The following SNTG1 variants were observed in gnomAD, a reference collection of about 807,000 sequenced individuals.
SNTG1 encodes gamma-1-syntrophin.
A neutral mutation model predicts 74.7 loss-of-function variants in SNTG1; 39 were observed. That is an observed-to-expected ratio of 0.52 (90% confidence interval 0.40 to 0.68). The LOEUF (loss-of-function observed/expected upper bound fraction) is 0.68, where lower values mean the gene tolerates loss of function less well. SNTG1 is among the 30% of genes least tolerant of loss of function. The pLI is 0.00. For synonymous variants in SNTG1, 254 were observed against 217.1 expected (o/e 1.17, Z -1.49); for missense variants, 685 against 609.5 (o/e 1.12, Z -1.30).
At chr8:50,387,224 A>G (rs2092589027) in intron 2 of SNTG1, among the ~76,000 whole-genome samples, 1 of 152,060 alleles carries the variant, frequency 6.6e-6, no homozygotes, top group Non-Finnish European at 1.5e-5. Flanking sequence ...CTGCCATTGC[A>G]TGTAAGGATT....
chr8:50,590,828 G>A (rs775038002), intron 12 of SNTG1, 51 bp from the exon 13 acceptor site: 4 of 1,234,662 alleles, frequency 3.2e-6, no homozygotes, highest in South Asian at 2.9e-5. Context: ...TGGGGACCTT[G>A]TGTTACCATC....
At chr8:50,080,817 C>G (rs944872206) in intron 1 of SNTG1, among the ~76,000 whole-genome samples, 3 of 151,910 alleles carry the variant, frequency 2.0e-5, no homozygotes, top group African/African-American at 7.3e-5. Context: ...AGTTAGCAGC[C>G]CAGTTTTATC....
intron 8 of SNTG1, among the ~76,000 whole-genome samples, chr8:50,467,707 T>G (rs75986552): frequency 0.023 from 3,515 of 152,114 alleles, 128 homozygotes; most frequent in African/African-American, 0.077. Flanking sequence ...CTGCTTTTTC[T>G]AATTCTGTAT....
At chr8:50,483,815 A>G (rs1383377144) in intron 8 of SNTG1, among the ~76,000 whole-genome samples, 2 of 152,196 alleles carry the variant, frequency 1.3e-5, no homozygotes, top group African/African-American at 4.8e-5. Context: ...TCAGATCTTG[A>G]TAATTCTTTA....
At chr8:50,396,869 C>T (rs10101137) in intron 3 of SNTG1, among the ~76,000 whole-genome samples, 27,088 of 152,098 alleles carry the variant, frequency 0.18, 2,648 homozygotes, top group Middle Eastern at 0.26. Context: ...ACTACAAATT[C>T]TTAATAAGTT....
chr8:50,082,579 T>C (rs1586189583), intron 1 of SNTG1, among the ~76,000 whole-genome samples: 1 of 152,234 alleles, frequency 6.6e-6, no homozygotes, highest in African/African-American at 2.4e-5. Flanking sequence ...TTAAGAGCGG[T>C]AAAAGAATGT....
At chr8:50,571,710 T>G (rs1256268210) in intron 12 of SNTG1, among the ~76,000 whole-genome samples, 2 of 152,192 alleles carry the variant, frequency 1.3e-5, no homozygotes. Flanking sequence ...GGAAACAACT[T>G]TCACCTCTAA....
chr8:50,535,733 A>T (rs958922592), intron 10 of SNTG1, among the ~76,000 whole-genome samples: 27 of 152,218 alleles, frequency 1.8e-4, no homozygotes, highest in African/African-American at 6.0e-4. Flanking sequence ...CATTGTTAAA[A>T]AGTTTAATGC....
intron 2 of SNTG1, among the ~76,000 whole-genome samples, chr8:50,381,755 A>G (rs1249381367): frequency 1.4e-5 from 2 of 138,790 alleles, no homozygotes; most frequent in South Asian, 2.2e-4. Flanking sequence ...TATAGGATAT[A>G]TATATCCTAT....
intron 8 of SNTG1, among the ~76,000 whole-genome samples, chr8:50,494,205 T>C (rs2093884082): frequency 6.6e-6 from 1 of 151,698 alleles, no homozygotes; most frequent in Non-Finnish European, 1.5e-5. Context: ...ATTAATTATA[T>C]TCATAATAAT....
At chr8:50,159,695 G>A (rs538384478) in intron 1 of SNTG1, among the ~76,000 whole-genome samples, 30 of 152,224 alleles carry the variant, frequency 2.0e-4, no homozygotes, top group South Asian at 1.0e-3. Context: ...AAAGCCATAC[G>A]TGTGTACTTG....
chr8:50,100,765 A>G (rs1171023521), intron 1 of SNTG1, among the ~76,000 whole-genome samples: 1 of 152,080 alleles, frequency 6.6e-6, no homozygotes, highest in Non-Finnish European at 1.5e-5. Context: ...AAGTACAATA[A>G]TACTTAACAT....
chr8:50,484,637 A>G (rs950826334), intron 8 of SNTG1, among the ~76,000 whole-genome samples: 9 of 151,794 alleles, frequency 5.9e-5, no homozygotes, highest in African/African-American at 2.2e-4. Context: ...AGGCAGGTGG[A>G]TCATGTGAGG....
intron 1 of SNTG1, among the ~76,000 whole-genome samples, chr8:49,940,209 G>A (rs140794645): frequency 6.6e-6 from 1 of 152,140 alleles, no homozygotes; most frequent in Non-Finnish European, 1.5e-5. Context: ...GCACCAAAAG[G>A]TAGTCAGCTA....
intron 1 of SNTG1, among the ~76,000 whole-genome samples, chr8:50,086,186 C>G (rs778661178): frequency 2.6e-5 from 4 of 152,088 alleles, no homozygotes; most frequent in Non-Finnish European, 5.9e-5. Context: ...CTACAGAGAG[C>G]TGCATCTGAT....
At chr8:50,528,835 T>C (rs943327666) in intron 9 of SNTG1, among the ~76,000 whole-genome samples, 1 of 151,710 alleles carries the variant, frequency 6.6e-6, no homozygotes, top group Non-Finnish European at 1.5e-5. Context: ...TTATCTAATT[T>C]ATTAGTTTCC....
At chr8:50,050,204 C>T (rs913308096) in intron 1 of SNTG1, among the ~76,000 whole-genome samples, 2 of 151,372 alleles carry the variant, frequency 1.3e-5, no homozygotes, top group East Asian at 1.9e-4. Flanking sequence ...ACACCCTTAG[C>T]GAGTTAATTA....
At chr8:49,951,253 A>T (rs987390127) in intron 1 of SNTG1, among the ~76,000 whole-genome samples, 2 of 152,244 alleles carry the variant, frequency 1.3e-5, no homozygotes, top group African/African-American at 4.8e-5. Flanking sequence ...TTTATCTGTG[A>T]AAAGGGAAAT....
At chr8:49,973,959 T>C (rs1235873756) in intron 1 of SNTG1, among the ~76,000 whole-genome samples, 1 of 152,204 alleles carries the variant, frequency 6.6e-6, no homozygotes, top group Non-Finnish European at 1.5e-5. Context: ...GTGGAAATCA[T>C]ATAAATATTT....
Sources: allele counts gnomAD v4.1 joint callset (sites outside exome capture counted in the v4.1 genomes callset), GRCh38; gene constraint gnomAD v4.1.1; transcripts MANE v1.5; gene names NCBI Gene and HGNC (gene_info 2026-07-23, HGNC 2026-07-21).